LAMB4: variants seen among roughly 807,000 people sequenced by gnomAD.
LAMB4 encodes laminin subunit beta-4.
In LAMB4, 196 loss-of-function variants were observed where a neutral mutation model predicts 199.2. The ratio of observed to expected loss-of-function variants is 0.98; its 90% CI spans 0.88 to 1.11. The LOEUF is 1.11. Among genes scored for constraint, LAMB4 ranks in the 50% least tolerant of loss-of-function variants. LAMB4 has a pLI of 0.00. For missense variants in LAMB4, 2,080 were observed against 2,171.2 expected (o/e 0.96, Z 0.83); for synonymous variants, 744 against 770.6 (o/e 0.97, Z 0.57).
At chr7:108,029,019 CA>C (rs1482933006) in intron 33 of LAMB4, 23 bp downstream of exon 33, 1 of 1,599,668 alleles carries the variant, frequency 6.3e-7, no homozygotes, top group Non-Finnish European at 8.5e-7. Flanking sequence ...ATCAAATTGG[CA>C]GGATGGATAA....
chr7:108,078,076 C>G, intron 16 of LAMB4, 125 bp downstream of exon 16: 1 of 663,474 alleles, frequency 1.5e-6, no homozygotes, highest in South Asian at 1.8e-5. Context: ...CCAGTAAGTG[C>G]TTAATATATG....
chr7:108,079,762 G>A lies in LAMB4; in HGVS notation c.1726C>T (p.Pro576Ser), dbSNP rs1468405430. 6.3e-7 allele frequency: 1 copy of A among 1,599,110 alleles called. No homozygotes were observed. The highest frequency in any genetic ancestry group is 8.5e-7 in the Non-Finnish European group (1 of 1,174,798). ...PLGSETFGQS[P>S]AVHVVLGEPV... The stretch of plus-strand genomic sequence containing the variant: ...TCTCCTAAAACAACGTGAACAGCAG[G>A]ACTCTGGCCAAACGTCTCCGAGCCC... Residue 576 changes from proline to serine, a missense_variant, in exon 15 of 34, where the codon CCT becomes TCT. Coordinates refer to ENST00000388781, the MANE Select transcript of LAMB4 (RefSeq NM_007356.3).
At chr7:108,047,817 A>T in intron 28 of LAMB4, 91 bp downstream of exon 28, 1 of 995,180 alleles carries the variant, frequency 1.0e-6, no homozygotes, top group Non-Finnish European at 1.6e-6. Flanking sequence ...CTATCTTCTC[A>T]CTTGGAAGTT....
intron 2 of LAMB4, among the ~76,000 whole-genome samples, chr7:108,122,389 C>T (rs916512909): frequency 6.6e-6 from 1 of 152,184 alleles, no homozygotes; most frequent in African/African-American, 2.4e-5. Flanking sequence ...TGTGGCTCAC[C>T]TCTCCAAGGC....
downstream of LAMB4, among the ~76,000 whole-genome samples, chr7:108,021,623 C>T (rs1265490124): frequency 6.6e-6 from 1 of 151,776 alleles, no homozygotes; most frequent in Non-Finnish European, 1.5e-5. Context: ...GCAGGAGAAT[C>T]GCATGAAGCC....
chr7:108,093,034 C>T (rs1035683404), intron 12 of LAMB4, among the ~76,000 whole-genome samples: 2 of 152,316 alleles, frequency 1.3e-5, no homozygotes, highest in Admixed American at 1.3e-4. Context: ...TAAATCCTAT[C>T]GGAATAGAAG....
chr7:108,080,895 G>A (rs557343363), intron 14 of LAMB4, among the ~76,000 whole-genome samples: 4 of 151,928 alleles, frequency 2.6e-5, no homozygotes, highest in East Asian at 1.9e-4. Flanking sequence ...AGGCCAAGGC[G>A]GGTGGATCAC....
chr7:108,116,465 G>T (rs1308126613), intron 2 of LAMB4, among the ~76,000 whole-genome samples: 3 of 152,050 alleles, frequency 2.0e-5, no homozygotes, highest in Admixed American at 6.6e-5. Flanking sequence ...ATCAAAAAGA[G>T]ATACCGAGAA....
chr7:108,066,422 C>G lies in LAMB4; in HGVS notation c.2625G>C (p.Glu875Asp). 1 of 1,614,218 alleles carries G rather than the reference C, an allele frequency of 6.2e-7. No individual in the cohort carries two copies. Among genetic ancestry groups the G allele is most frequent in the Non-Finnish European group, 8.5e-7 (1 of 1,180,026 alleles). The stretch of plus-strand genomic sequence containing the variant: ...CTCCACAATTGAAGCATGACCCTGT[C>G]TCAGGATCACAAAGTTCAGCAAACC... ...CNRFAELCDP[E>D]TGSCFNCGGF... The change falls in exon 20 of 34, where the codon GAG becomes GAC. Residue 875 changes from glutamate (E) to aspartate (D), a missense_variant. Coordinates refer to ENST00000388781, the MANE Select transcript of LAMB4 (RefSeq NM_007356.3).
downstream of LAMB4, among the ~76,000 whole-genome samples, chr7:108,023,079 G>A (rs1017858116): frequency 2.6e-5 from 4 of 152,140 alleles, no homozygotes; most frequent in Admixed American, 6.5e-5. Flanking sequence ...ATCCCAAAGT[G>A]CTGGGATTAT....
intron 28 of LAMB4, among the ~76,000 whole-genome samples, chr7:108,045,049 C>T (rs1324619238): frequency 6.7e-6 from 1 of 149,866 alleles, no homozygotes; most frequent in Non-Finnish European, 1.5e-5. Context: ...TTGAGCCATA[C>T]AGATTTTTAA....
intron 21 of LAMB4, among the ~76,000 whole-genome samples, chr7:108,064,660 C>A (rs557030575): frequency 1.4e-4 from 22 of 152,260 alleles, no homozygotes; most frequent in African/African-American, 5.3e-4. Context: ...TTCTTAAAAA[C>A]TGACCAAACA....
At chr7:108,045,140 T>TC (rs11415244) in intron 28 of LAMB4, among the ~76,000 whole-genome samples, 14,344 of 152,072 alleles carry the variant, frequency 0.094, 2,270 homozygotes, top group African/African-American at 0.33. Context: ...ATCTTTTTTT[T>TC]CAGAGTTGTT....
At chr7:108,049,726 G>C (rs2035767215) in intron 26 of LAMB4, among the ~76,000 whole-genome samples, 195 bp from the exon 27 acceptor site, 1 of 152,198 alleles carries the variant, frequency 6.6e-6, no homozygotes, top group African/African-American at 2.4e-5. Context: ...GGATAGAATA[G>C]ATACAGGGCA....
chr7:108,082,395 T>G (rs1303340181), intron 14 of LAMB4, among the ~76,000 whole-genome samples: 2 of 148,968 alleles, frequency 1.3e-5, no homozygotes, highest in Non-Finnish European at 3.0e-5. Flanking sequence ...CCAGCTTAGG[T>G]AAATTACTTC....
the LAMB4 span, among the ~76,000 whole-genome samples, chr7:108,013,038 G>A: frequency 6.6e-6 from 1 of 152,172 alleles, no homozygotes; most frequent in Non-Finnish European, 1.5e-5. Context: ...GTGCCATAAG[G>A]CCAGGCACCC....
chr7:108,079,416 A>G (rs1040708561), intron 15 of LAMB4, among the ~76,000 whole-genome samples, 185 bp downstream of exon 15: 3 of 152,240 alleles, frequency 2.0e-5, no homozygotes, highest in African/African-American at 4.8e-5. Flanking sequence ...TACAGCATGC[A>G]TGCATATGGC....
At chr7:108,032,941 C>G (rs939612778) in intron 31 of LAMB4, among the ~76,000 whole-genome samples, 1 of 152,134 alleles carries the variant, frequency 6.6e-6, no homozygotes, top group Non-Finnish European at 1.5e-5. Context: ...GCTTTCCTGT[C>G]ATTTTTGGCC....
chr7:108,061,107 G>A (rs1022029678), intron 23 of LAMB4, among the ~76,000 whole-genome samples: 5 of 152,150 alleles, frequency 3.3e-5, no homozygotes, highest in Non-Finnish European at 5.9e-5. Flanking sequence ...CTAATCATGA[G>A]AAGAATATCA....
Sources: allele counts gnomAD v4.1 joint callset (sites outside exome capture counted in the v4.1 genomes callset), GRCh38; gene constraint gnomAD v4.1.1; transcripts MANE v1.5; gene names NCBI Gene and HGNC (gene_info 2026-07-23, HGNC 2026-07-21).